The following ERCC4 variants were observed in gnomAD, a reference collection of about 807,000 sequenced individuals.
The protein encoded by ERCC4 is ERCC excision repair 4, endonuclease catalytic subunit.
In ERCC4, 65 loss-of-function variants were observed where a neutral mutation model predicts 76.9. The ratio of observed to expected loss-of-function variants is 0.84; its 90% CI spans 0.69 to 1.04. The LOEUF (loss-of-function observed/expected upper bound fraction) is 1.04, where lower values mean the gene tolerates loss of function less well. ERCC4 is among the 50% of genes least tolerant of loss of function. ERCC4 has a pLI of 0.00. For synonymous variants in ERCC4, 463 were observed against 410.1 expected, an observed-to-expected ratio of 1.13 and a Z score of -1.56; for missense variants, 1,214 against 1,128.2, an observed-to-expected ratio of 1.08 and a Z score of -1.09.
At position 13,948,405 on chromosome 16, in the gene ERCC4, C is replaced by CA; in HGVS notation, c.*59dup. On this transcript the variant is annotated 3_prime_UTR_variant, in exon 11 of 11. Coordinates refer to ENST00000311895, the MANE Select transcript of ERCC4 (RefSeq NM_005236.3). ...TACTTTTCAGCGGCTCCTTGCCAGA[C>CA]ATCATAGGTCATTATTAATTATTGG... 6.5e-7 allele frequency: 1 copy of CA among 1,542,296 alleles called. No individual in the cohort carries two copies. The highest frequency in any genetic ancestry group is 8.9e-7 in the Non-Finnish European group (1 of 1,127,348).
chr16:13,935,340 A>G lies in ERCC4; in HGVS notation c.1408A>G (p.Lys470Glu). 1 of 1,612,120 alleles carries G rather than the reference A, an allele frequency of 6.2e-7. No individual in the cohort carries two copies. Among genetic ancestry groups the G allele is most frequent in the Non-Finnish European group, 8.5e-7 (1 of 1,179,526 alleles). ...KRIRKSHKRP[K>E]DPQNKERAST... The stretch of plus-strand genomic sequence containing the variant: ...AATTAGGAAATCTCACAAAAGACCT[A>G]AAGACCCCCAAAACAAAGAACGGGC... The change falls in exon 8 of 11, where the codon AAA (lysine) becomes GAA (glutamate). Residue 470 changes from lysine to glutamate, a missense_variant. Physicochemically the swap from Lys to Glu is moderately conservative, Grantham distance 56 (BLOSUM62 1). Coordinates refer to ENST00000311895, the MANE Select transcript of ERCC4 (RefSeq NM_005236.3).
chr16:13,921,120 A>G lies in ERCC4; in HGVS notation c.207+748A>G, dbSNP rs138250513. On this transcript the variant is annotated intron_variant, in intron 1 of 10. Transcript: ENST00000311895. ...AAGGGAACAGTGATGAGGATGGAAGATCTCTGAGGGTGATGGGGAGACATG... is the reference window on the plus strand; with the variant it reads ...AAGGGAACAGTGATGAGGATGGAAGGTCTCTGAGGGTGATGGGGAGACATG... Among the ~76,000 whole-genome samples, 20 of 152,040 alleles carry G rather than the reference A, an allele frequency of 1.3e-4. No individual in the cohort carries two copies. In the East Asian group the frequency reaches 3.7e-3, roughly 28 times the overall value.
intron 2 of ERCC4, among the ~76,000 whole-genome samples, chr16:13,923,724 G>A (rs2032021442): frequency 7.1e-6 from 1 of 140,044 alleles, no homozygotes; most frequent in African/African-American, 3.3e-5. Context: ...TTAGTATAGT[G>A]CCTGGTACAC....
intron 10 of ERCC4, among the ~76,000 whole-genome samples, chr16:13,945,699 A>G (rs1264594686): frequency 2.0e-5 from 3 of 152,232 alleles, no homozygotes; most frequent in Non-Finnish European, 4.4e-5. Context: ...TTTTTGGACC[A>G]TACTTTGGGA....
Position 13,944,814 on chromosome 16 carries a change from T to C in ERCC4, c.1996T>C (p.Ser666Pro). Residue 666 changes from serine (S) to proline (P), a missense_variant, in exon 10 of 11, where the codon TCC (serine) becomes CCC (proline). Coordinates refer to ENST00000311895, the MANE Select transcript of ERCC4 (RefSeq NM_005236.3). ...AAGAGGCACAGCATCTGCAGATGTT[T>C]CCACTGACACTCGGAAAGCCGGTGA... ...LVRGTASADV[S>P]TDTRKAGGQE... 1 of 1,612,374 alleles carries C rather than the reference T, an allele frequency of 6.2e-7. No individual in the cohort carries two copies. Among genetic ancestry groups the C allele is most frequent in the Non-Finnish European group, 8.5e-7 (1 of 1,178,416 alleles).
At position 13,947,811 on chromosome 16, in the gene ERCC4, G is replaced by T; in HGVS notation, c.2215G>T (p.Gly739Cys). 6.2e-7 allele frequency: 1 copy of T among 1,614,154 alleles called. No individual in the cohort carries two copies. The highest frequency in any genetic ancestry group is 8.5e-7 in the Non-Finnish European group (1 of 1,180,042). ...ISDLIGSLNN[G>C]RLYSQCISMS... ...TGATTTAATCGGCTCTTTAAATAAC[G>T]GCCGCCTCTACAGCCAGTGCATCTC... Residue 739 changes from glycine to cysteine, a missense_variant, in exon 11 of 11, where the codon GGC becomes TGC. By Grantham distance (159) the Gly-to-Cys change is radical. Coordinates refer to ENST00000311895, the MANE Select transcript of ERCC4 (RefSeq NM_005236.3).
intron 7 of ERCC4, 76 bp from the exon 8 acceptor site, chr16:13,935,070 G>A (rs2032255572): frequency 3.6e-6 from 4 of 1,103,712 alleles, no homozygotes; most frequent in Admixed American, 1.7e-5. Context: ...CCCTTCGGGT[G>A]AAGGAATAAG....
rs781758234 is a variant in ERCC4 at position 13,935,332 on chromosome 16, A to G, written c.1400A>G (p.Lys467Arg). Reference protein sequence around the residue: ...DSSKRIRKSHKRPKDPQNKER... With the variant: ...DSSKRIRKSHRRPKDPQNKER... ...TCAAAGAGAATTAGGAAATCTCACA[A>G]AAGACCTAAAGACCCCCAAAACAAA... Residue 467 changes from lysine to arginine, a missense_variant, in exon 8 of 11, where the codon AAA (lysine) becomes AGA (arginine). Coordinates refer to ENST00000311895, the MANE Select transcript of ERCC4 (RefSeq NM_005236.3). 1.2e-6 allele frequency: 2 copies of G among 1,611,976 alleles called. No individual in the cohort carries two copies. Among genetic ancestry groups the G allele is most frequent in the Non-Finnish European group, 1.7e-6 (2 of 1,179,486 alleles).
chr16:13,928,074 G>C lies in ERCC4; in HGVS notation c.631G>C (p.Val211Leu). The C allele has an allele frequency of 6.2e-7, 1 of 1,613,828 alleles. No homozygotes were observed. Among genetic ancestry groups the C allele is most frequent in the Middle Eastern group, 1.7e-4 (1 of 6,056 alleles). ...ATTTTTAGAACAGCACAAACCTGAA[G>C]TTGTAGAAATCCATGTTTCTATGAC... Reference protein sequence around the residue: ...NSFLEQHKPEVVEIHVSMTPT... With the variant: ...NSFLEQHKPELVEIHVSMTPT... Residue 211 changes from valine to leucine, a missense_variant, in exon 4 of 11, where the codon GTT becomes CTT. By Grantham distance (32) the Val-to-Leu change is conservative. Coordinates refer to ENST00000311895, the MANE Select transcript of ERCC4 (RefSeq NM_005236.3).
chr16:13,940,520 A>G (rs2032392975), intron 9 of ERCC4, among the ~76,000 whole-genome samples: 1 of 152,216 alleles, frequency 6.6e-6, no homozygotes, highest in Admixed American at 6.5e-5. Flanking sequence ...GAGTCCTCCC[A>G]GCAACAGTGT....
chr16:13,935,715 A>C lies in ERCC4; in HGVS notation c.1783A>C (p.Arg595=). 1 of 1,614,076 alleles carries C rather than the reference A, an allele frequency of 6.2e-7. No individual in the cohort carries two copies. The highest frequency in any genetic ancestry group is 8.5e-7 in the Non-Finnish European group (1 of 1,179,904). The change falls in exon 8 of 11, where the codon AGG becomes CGG. Residue 595 remains arginine, a synonymous_variant. Coordinates refer to ENST00000311895, the MANE Select transcript of ERCC4 (RefSeq NM_005236.3). ...LTFVRQLEIY[R]ASRPGKPLRV... ...CTTTGTTCGGCAGCTTGAAATTTAC[A>C]GGGCGAGTAGGCCTGGGAAACCTCT...
Position 13,921,178 on chromosome 16 carries a change from A to G in ERCC4, c.207+806A>G, listed in dbSNP as rs536556179. Among the ~76,000 whole-genome samples, 43 of 152,268 alleles carry G rather than the reference A, an allele frequency of 2.8e-4. 1 individual carries two copies. The highest frequency in any genetic ancestry group is 9.6e-4 in the African/African-American group (40 of 41,552). ...ATGCTGAGGCGCTGGAAAAACCCCA[A>G]TAGGGAAAAGGAGGGACCAGGAAAT... On this transcript the variant is annotated intron_variant, in intron 1 of 10. Coordinates refer to ENST00000311895, the MANE Select transcript of ERCC4 (RefSeq NM_005236.3).
chr16:13,937,810 A>G lies in ERCC4; in HGVS notation c.1856A>G (p.Tyr619Cys), dbSNP rs750205235. 5.0e-6 allele frequency: 8 copies of G among 1,613,806 alleles called. No individual in the cohort carries two copies. The highest frequency in any genetic ancestry group is 2.2e-5 in the East Asian group (1 of 44,872). The change falls in exon 9 of 11, where the codon TAT (tyrosine) becomes TGT (cysteine). Residue 619 changes from tyrosine to cysteine, a missense_variant. By Grantham distance (194) the Tyr-to-Cys change is radical. Transcript: ENST00000311895. ...IYGGSTEEQR[Y>C]LTALRKEKEA... ...GGAGGTTCAACTGAGGAACAACGCT[A>G]TCTCACTGCTTTGCGGAAAGAAAAG... is the stretch of plus-strand genomic sequence containing the variant.
At chr16:13,938,586 G>T (rs1318679908) in intron 9 of ERCC4, among the ~76,000 whole-genome samples, 4 of 152,184 alleles carry the variant, frequency 2.6e-5, no homozygotes, top group Non-Finnish European at 5.9e-5. Context: ...GGCCTCAGAA[G>T]CCAGGGCAAG....
Position 13,930,925 on chromosome 16 carries a change from C to T in ERCC4, c.973+35C>T, listed in dbSNP as rs563540990. The stretch of plus-strand genomic sequence containing the variant: ...TAAAATACTAATAATATTCTAAGAG[C>T]TGATTTGAATAAAGTGTTAGGTTTT... On this transcript the variant is annotated intron_variant, in intron 5 of 10. Coordinates refer to ENST00000311895, the MANE Select transcript of ERCC4 (RefSeq NM_005236.3). The T allele has an allele frequency of 3.5e-6, 5 of 1,435,992 alleles. No homozygotes were observed. In the African/African-American group the frequency reaches 5.6e-5, roughly 16 times the overall value. The allele number at this position is 1,435,992 out of a possible 1,614,324, so 89.0% of individuals were successfully genotyped here.
intron 2 of ERCC4, among the ~76,000 whole-genome samples, chr16:13,924,742 T>C (rs923196836): frequency 2.0e-5 from 3 of 152,226 alleles, no homozygotes; most frequent in African/African-American, 7.2e-5. Context: ...AATGCTTATA[T>C]GTAAAATACT....
chr16:13,926,470 T>C, intron 2 of ERCC4, 91 bp from the exon 3 acceptor site: 1 of 1,093,520 alleles, frequency 9.1e-7, no homozygotes, highest in Non-Finnish European at 1.4e-6. Context: ...TGGTGCTTAT[T>C]CATTCTCTTG....
rs2032162125 is a variant in ERCC4 at position 13,930,977 on chromosome 16, A to G, written c.973+87A>G. On this transcript the variant is annotated intron_variant, in intron 5 of 10. Coordinates refer to ENST00000311895, the MANE Select transcript of ERCC4 (RefSeq NM_005236.3). ...GGGGGAATCAGGTGTGAAAAGTGCT[A>G]TATTCAACTATATGTTATACTGAGA... 6.5e-5 allele frequency: 54 copies of G among 827,238 alleles called. 1 individual carries two copies. The South Asian group carries it at 7.4e-4, about 11-fold the overall frequency. 51.2% of individuals were successfully genotyped at this position (827,238 alleles called of 1,614,324 possible).
intron 6 of ERCC4, 48 bp downstream of exon 6, chr16:13,932,333 TG>T: frequency 6.4e-7 from 1 of 1,567,008 alleles, no homozygotes; most frequent in Middle Eastern, 2.0e-4. Flanking sequence ...TTTCGGTATT[TG>T]GTATGGAAAT....
Sources: allele counts gnomAD v4.1 joint callset (sites outside exome capture counted in the v4.1 genomes callset), GRCh38; gene constraint gnomAD v4.1.1; transcripts MANE v1.5; gene names NCBI Gene and HGNC (gene_info 2026-07-23, HGNC 2026-07-21).